LDB2: variants seen among roughly 807,000 people sequenced by gnomAD.
LDB2 encodes LIM domain binding 2, also known as LIM domain-binding protein 2.
In LDB2, 12 loss-of-function variants were observed where a neutral mutation model predicts 44.3. The ratio of observed to expected loss-of-function variants is 0.27; its 90% CI spans 0.17 to 0.44. The LOEUF is 0.44. LDB2 is among the 20% of genes least tolerant of loss of function. The probability of loss-of-function intolerance (pLI) is 1.00; values close to 1 mark genes in which losing one functional copy is unlikely to be tolerated. For missense variants in LDB2, 344 were observed against 473.5 expected (o/e 0.73, Z 2.54); for synonymous variants, 164 against 174.8 (o/e 0.94, Z 0.49).
intron 3 of LDB2, 133 bp from the exon 4 acceptor site, chr4:16,588,965 G>A (rs11945652): frequency 0.24 from 198,627 of 839,064 alleles, 24,188 homozygotes; most frequent in South Asian, 0.29. Flanking sequence ...GATGTGACAC[G>A]AGTGATGTGT....
At chr4:16,647,661 G>A (rs1275706903) in intron 2 of LDB2, among the ~76,000 whole-genome samples, 4 of 151,940 alleles carry the variant, frequency 2.6e-5, no homozygotes, top group Admixed American at 1.3e-4. Flanking sequence ...CGAGAAAGAC[G>A]ATCATGTTTC....
At chr4:16,851,263 C>T (rs558400309) in intron 1 of LDB2, among the ~76,000 whole-genome samples, 30 of 151,866 alleles carry the variant, frequency 2.0e-4, no homozygotes, top group African/African-American at 2.2e-4. Flanking sequence ...CAAGCAGGTA[C>T]GAGTCAGGAG....
chr4:16,790,620 T>C (rs1317158715), intron 1 of LDB2, among the ~76,000 whole-genome samples: 1 of 151,752 alleles, frequency 6.6e-6, no homozygotes, highest in African/African-American at 2.4e-5. Context: ...AACGTATCCT[T>C]GTCGTTAAGC....
At chr4:16,573,788 C>T (rs1747427453) in intron 5 of LDB2, among the ~76,000 whole-genome samples, 1 of 152,122 alleles carries the variant, frequency 6.6e-6, no homozygotes, top group Admixed American at 6.5e-5. Flanking sequence ...CTGTGACTAC[C>T]AGTAACTACG....
In LDB2 at chr4:16,502,602, AC is replaced by A. The variant is rs1717804659; in HGVS notation, c.*40del. 10 of 1,597,934 alleles carry A rather than the reference AC, an allele frequency of 6.3e-6. No individual in the cohort carries two copies. The East Asian group carries it at 2.3e-4, about 36-fold the overall frequency. ...GTAAAGATTTGCAATTGTAATGATCACCCACGGGCCTATTGACAGTGGATTC... is the reference window on the plus strand; with the variant it reads ...GTAAAGATTTGCAATTGTAATGATCACCACGGGCCTATTGACAGTGGATTC... On this transcript the variant is annotated 3_prime_UTR_variant, in exon 8 of 8. Coordinates refer to ENST00000304523, the MANE Select transcript of LDB2 (RefSeq NM_001290.5).
chr4:16,603,567 CT>C (rs1387595750), intron 2 of LDB2, among the ~76,000 whole-genome samples: 1 of 152,122 alleles, frequency 6.6e-6, no homozygotes, highest in African/African-American at 2.4e-5. Flanking sequence ...ATACAATAGT[CT>C]TTTAGTTATT....
chr4:16,582,168 G>A lies in LDB2; in HGVS notation c.615+3754C>T, dbSNP rs189054093. 6.6e-6 allele frequency among the ~76,000 whole-genome samples: 1 copy of A among 152,278 alleles called. No homozygotes were observed. The highest frequency in any genetic ancestry group is 2.4e-5 in the African/African-American group (1 of 41,560). On this transcript the variant is annotated intron_variant, in intron 5 of 7. Coordinates refer to ENST00000304523, the MANE Select transcript of LDB2 (RefSeq NM_001290.5). This position sits in a 1 kb window ranked among gnomAD's most constrained non-coding sequence, Gnocchi z 4.8. ...GCACCTGGGAGCAATTTCTCTCCAAGAGTGTATTTGTTTTTCTTTCTTACA... is the reference window on the plus strand; with the variant it reads ...GCACCTGGGAGCAATTTCTCTCCAAAAGTGTATTTGTTTTTCTTTCTTACA...
intron 2 of LDB2, among the ~76,000 whole-genome samples, chr4:16,624,115 G>T (rs1398437453): frequency 6.6e-6 from 1 of 152,160 alleles, no homozygotes; most frequent in Non-Finnish European, 1.5e-5. Flanking sequence ...TGTTATCTAT[G>T]TAGATTTTAG....
At chr4:16,691,657 C>A (rs1750799912) in intron 2 of LDB2, among the ~76,000 whole-genome samples, 1 of 152,170 alleles carries the variant, frequency 6.6e-6, no homozygotes, top group South Asian at 2.1e-4. Flanking sequence ...TCAATCTCAA[C>A]TTGGACTATT....
At chr4:16,890,432 A>G (rs1399311920) in intron 1 of LDB2, among the ~76,000 whole-genome samples, 1 of 152,178 alleles carries the variant, frequency 6.6e-6, no homozygotes, top group East Asian at 1.9e-4. Flanking sequence ...CCAGAACAGG[A>G]CAGATTCCTC....
intron 1 of LDB2, among the ~76,000 whole-genome samples, chr4:16,825,259 A>T (rs573953082): frequency 6.6e-6 from 1 of 152,322 alleles, no homozygotes; most frequent in East Asian, 1.9e-4. Context: ...GTGTGTCTAA[A>T]TCTATAGGCC....
intron 2 of LDB2, among the ~76,000 whole-genome samples, chr4:16,739,751 T>C (rs1222754386): frequency 1.5e-5 from 2 of 137,610 alleles, no homozygotes; most frequent in South Asian, 4.5e-4. Flanking sequence ...TACATATACA[T>C]ATATATATAA....
rs540746160 is a variant in LDB2 at position 16,850,748 on chromosome 4, C to T, written c.132+47606G>A. Among the ~76,000 whole-genome samples, 3 of 152,172 alleles carry T rather than the reference C, an allele frequency of 2.0e-5. No individual in the cohort carries two copies. In the South Asian group the frequency reaches 6.2e-4, roughly 32 times the overall value. On this transcript the variant is annotated intron_variant, in intron 1 of 7. Transcript: ENST00000304523. ...TTGGGTAGAAAGTGGATGGTGGGGTCATTCACTGAAACATGAGACATAGGA... is the reference window on the plus strand; with the variant it reads ...TTGGGTAGAAAGTGGATGGTGGGGTTATTCACTGAAACATGAGACATAGGA...
chr4:16,757,270 G>A (rs1465230322), intron 2 of LDB2, among the ~76,000 whole-genome samples: 1 of 152,150 alleles, frequency 6.6e-6, no homozygotes, highest in Non-Finnish European at 1.5e-5. Flanking sequence ...GCACATCACC[G>A]GGCTGTCAGC....
chr4:16,859,933 C>CA (rs1320939065), intron 1 of LDB2, among the ~76,000 whole-genome samples: 213 of 152,276 alleles, frequency 1.4e-3, no homozygotes, highest in African/African-American at 4.9e-3. Context: ...TAATCTTCTC[C>CA]AATTTAGAGA....
intron 5 of LDB2, among the ~76,000 whole-genome samples, chr4:16,556,581 A>T (rs1343582547): frequency 6.6e-6 from 1 of 152,218 alleles, no homozygotes; most frequent in South Asian, 2.1e-4. Flanking sequence ...GTTTATTCAC[A>T]TAGTCATTGC....
Position 16,519,664 on chromosome 4 carries a change from T to G in LDB2, c.616-7560A>C, listed in dbSNP as rs1479086921. Among the ~76,000 whole-genome samples, 4 of 149,516 alleles carry G rather than the reference T, an allele frequency of 2.7e-5. No homozygotes were observed. The East Asian group carries it at 8.6e-4, about 32-fold the overall frequency. ...AAGGGTGTAGGTTTTGGAACCAGAT[T>G]CATCTGGGTTCAAGCCCTCCAAGTC... On this transcript the variant is annotated intron_variant, in intron 5 of 7. Transcript: ENST00000304523.
At chr4:16,521,701 G>C (rs1024528556) in intron 5 of LDB2, among the ~76,000 whole-genome samples, 1 of 152,162 alleles carries the variant, frequency 6.6e-6, no homozygotes, top group Admixed American at 6.5e-5. Flanking sequence ...TACACCTTCT[G>C]CCTTTGTTCT....
intron 2 of LDB2, among the ~76,000 whole-genome samples, chr4:16,756,343 G>A (rs893880427): frequency 1.3e-5 from 2 of 151,998 alleles, no homozygotes; most frequent in Admixed American, 6.6e-5. Flanking sequence ...CCTGCTACTC[G>A]GTAGGGAGGC....
Sources: allele counts gnomAD v4.1 joint callset (sites outside exome capture counted in the v4.1 genomes callset), GRCh38; gene constraint gnomAD v4.1.1; non-coding constraint Gnocchi (gnomAD v3.1); transcripts MANE v1.5; gene names NCBI Gene and HGNC (gene_info 2026-07-23, HGNC 2026-07-21).